FRS3: variants seen among roughly 807,000 people sequenced by gnomAD.
FRS3 encodes the protein fibroblast growth factor receptor substrate 3.
In FRS3, 17 loss-of-function variants were observed where a neutral mutation model predicts 41.9. The observed-to-expected ratio is 0.41, with a 90% CI of 0.28 to 0.61. The LOEUF (loss-of-function observed/expected upper bound fraction) is 0.61. Ranked by LOEUF, FRS3 falls within the 20% of genes least tolerant of loss-of-function variation. The probability of loss-of-function intolerance (pLI) is 0.36; values close to 1 mark genes in which losing one functional copy is unlikely to be tolerated. For missense variants in FRS3, 619 were observed against 672.1 expected, an observed-to-expected ratio of 0.92 and a Z score of 0.87; for synonymous variants, 287 against 274.5, an observed-to-expected ratio of 1.05 and a Z score of -0.45.
rs1394139134 is a variant in FRS3, at chr6:41,775,489, G to A, written c.183C>T (p.Cys61=). 1 of 1,613,988 alleles carries A rather than the reference G, an allele frequency of 6.2e-7. No individual in the cohort carries two copies. Among genetic ancestry groups the A allele is most frequent in the Non-Finnish European group, 8.5e-7 (1 of 1,180,034 alleles). ...TGGAGTCGTAGCCATAGCGCCGCAA[G>A]CAGAGATAAGGCCAGCGGACGGCCT... The part of the protein sequence containing the change: ...RREAVRWPYL[C]LRRYGYDSNL... The change falls in exon 4 of 7, where the codon TGC becomes TGT. Residue 61 remains cysteine (C), a synonymous_variant. Coordinates refer to ENST00000373018, the MANE Select transcript of FRS3 (RefSeq NM_006653.5).
intron 6 of FRS3, 28 bp downstream of exon 6, chr6:41,771,788 G>A: frequency 1.3e-6 from 2 of 1,547,054 alleles, no homozygotes. Flanking sequence ...AGACCAACAG[G>A]GCAGGGGCTG....
Position 41,770,238 on chromosome 6 carries a change from G to C in FRS3, c.*381C>G, listed in dbSNP as rs561025532. On this transcript the variant is annotated 3_prime_UTR_variant, in exon 7 of 7. Transcript: ENST00000373018. Reference sequence around the variant, plus strand: ...TAAATTACATTTAAAACAATAAATAGAAAAATAAACTGATAAATAAAATCA... The same window carrying C: ...TAAATTACATTTAAAACAATAAATACAAAAATAAACTGATAAATAAAATCA... 6.0e-6 allele frequency: 1 copy of C among 167,194 alleles called. No homozygotes were observed. The highest frequency in any genetic ancestry group is 1.6e-4 in the East Asian group (1 of 6,098). 10.4% of individuals were successfully genotyped at this position (167,194 alleles called of 1,614,324 possible). A position where few individuals can be genotyped will look rare whatever the true frequency, so the allele number is the denominator to read the frequency against.
intron 1 of FRS3, among the ~76,000 whole-genome samples, chr6:41,778,971 C>T (rs1772467194): frequency 6.6e-6 from 1 of 152,192 alleles, no homozygotes; most frequent in Admixed American, 6.5e-5. Flanking sequence ...CCCTTGCACC[C>T]TGCATCCTTG....
Position 41,771,476 on chromosome 6 carries a change from A to G in FRS3, c.622T>C (p.Cys208Arg). The G allele has an allele frequency of 6.3e-7, 1 of 1,591,398 alleles. No individual in the cohort carries two copies. The highest frequency in any genetic ancestry group is 1.3e-5 in the African/African-American group (1 of 74,342). Residue 208 changes from cysteine (C) to arginine (R), a missense_variant, in exon 7 of 7, where the codon TGC becomes CGC. Around this residue, in one of 3 missense-constraint regions of FRS3, gnomAD observed 487 missense variants for 478.3 expected, o/e 1.02. Transcript: ENST00000373018. ...TGACCCTCAGGCAGGGGCTGCAGGC[A>G]GTGGCGGCCCCTGCGGTGGTCATCT... ...SEDDHRRGRH[C>R]LQPLPEGQAP...
At chr6:41,776,179 G>C (rs9471649) in intron 3 of FRS3, among the ~76,000 whole-genome samples, 5 of 152,218 alleles carry the variant, frequency 3.3e-5, no homozygotes, top group African/African-American at 1.2e-4. Context: ...AGCACAGGTC[G>C]ACTTGGGTCT....
chr6:41,772,763 T>TGTGTGTGTGTGC (rs1233146656), intron 5 of FRS3, 35 bp downstream of exon 5: 1 of 1,551,806 alleles, frequency 6.4e-7, no homozygotes, highest in South Asian at 1.1e-5. Flanking sequence ...TGTGTGTGTG[T>TGTGTGTGTGTGC]GTGTGTGTGT....
intron 5 of FRS3, 45 bp downstream of exon 5, chr6:41,772,753 T>TGTGTGTGTGG: frequency 7.0e-7 from 1 of 1,427,534 alleles, no homozygotes; most frequent in Non-Finnish European, 9.6e-7. Context: ...GGCGTGTGTG[T>TGTGTGTGTGG]GTGTGTGTGT....
chr6:41,773,292 C>T (rs1389167394), intron 4 of FRS3, among the ~76,000 whole-genome samples: 6 of 151,888 alleles, frequency 4.0e-5, no homozygotes, highest in Admixed American at 6.6e-5. Context: ...TTAGTTGAGA[C>T]GGGGTTTCAC....
intron 4 of FRS3, among the ~76,000 whole-genome samples, chr6:41,774,353 C>T (rs1193527838): frequency 1.3e-5 from 2 of 152,150 alleles, no homozygotes; most frequent in South Asian, 2.1e-4. Flanking sequence ...GCCCTCAGAT[C>T]GCTGATGACA....
chr6:41,772,037 G>T, intron 5 of FRS3, 73 bp from the exon 6 acceptor site: 1 of 1,286,098 alleles, frequency 7.8e-7, no homozygotes. Flanking sequence ...CTGTGTGTGT[G>T]GCATCCTGGG....
At position 41,770,532 on chromosome 6, in the gene FRS3, C is replaced by T. The variant is rs1772257618; in HGVS notation, c.*87G>A. 5.7e-6 allele frequency: 8 copies of T among 1,392,434 alleles called. No individual in the cohort carries two copies. Among genetic ancestry groups the T allele is most frequent in the African/African-American group, 2.8e-5 (2 of 70,632 alleles). 86.3% of individuals were successfully genotyped at this position (1,392,434 alleles called of 1,614,324 possible). A position where few individuals can be genotyped will look rare whatever the true frequency, so the allele number is the denominator to read the frequency against. On this transcript the variant is annotated 3_prime_UTR_variant, in exon 7 of 7. Coordinates refer to ENST00000373018, the MANE Select transcript of FRS3 (RefSeq NM_006653.5). The stretch of plus-strand genomic sequence containing the variant: ...ATGCCTTCTGCAAAGCAACCCTGAA[C>T]CCTGGGGAGGGTGGGTTCAGAGGAC...
At chr6:41,776,729 T>C in intron 3 of FRS3, 193 bp downstream of exon 3, 1 of 567,122 alleles carries the variant, frequency 1.8e-6, no homozygotes, top group South Asian at 2.5e-5. Flanking sequence ...TCAAGAGCCA[T>C]GAAAACAGCA....
rs1772307533 is a variant in FRS3, at chr6:41,771,936, G to A, written c.444C>T (p.Ser148=). The A allele has an allele frequency of 1.9e-6, 3 of 1,563,314 alleles. No individual in the cohort carries two copies. The South Asian group carries it at 3.5e-5, about 18-fold the overall frequency. Residue 148 remains serine (S), a synonymous_variant, in exon 6 of 7, where the codon TCC becomes TCT. Coordinates refer to ENST00000373018, the MANE Select transcript of FRS3 (RefSeq NM_006653.5). The part of the protein sequence containing the change: ...NALGYTVSSF[S]NGCPGEGPRF... The stretch of plus-strand genomic sequence containing the variant: ...GTGGGCCCTCTCCAGGGCAGCCATT[G>A]GAAAAGCTGGAGACAGTGTAGCCTA...
At chr6:41,773,042 T>C (rs1772337678) in intron 4 of FRS3, 83 bp from the exon 5 acceptor site, 1 of 1,103,122 alleles carries the variant, frequency 9.1e-7, no homozygotes, top group Admixed American at 1.8e-5. Context: ...GCAGGAAATG[T>C]CCCTCAACTC....
At chr6:41,776,636 G>T (rs527889632) in intron 3 of FRS3, 9 of 365,346 alleles carry the variant, frequency 2.5e-5, no homozygotes, top group East Asian at 8.8e-5. Context: ...AAAAAAAAAG[G>T]GGGGGGGATA....
rs200505680 is a variant in FRS3 at position 41,770,609 on chromosome 6, C to T, written c.*10G>A. The T allele has an allele frequency of 2.3e-4, 376 of 1,613,584 alleles. 2 individuals carry two copies. The highest frequency in any genetic ancestry group is 1.0e-4 in the Admixed American group (6 of 59,988). On this transcript the variant is annotated 3_prime_UTR_variant, in exon 7 of 7. Transcript: ENST00000373018. ...TGGTGGGGCAGAGGGTGGTGAGGAC[C>T]GGGAAGTCCCTACAGAGGCAGGTCG...
rs779943350 is a variant in FRS3, at chr6:41,776,908, AG to A, written c.66+13del. 1.2e-6 allele frequency: 2 copies of A among 1,608,630 alleles called. No individual in the cohort carries two copies. The highest frequency in any genetic ancestry group is 1.7e-5 in the Admixed American group (1 of 60,012). ...CCATGTTGGGAACACAGGAGAGGAG[AG>A]GGCTCTGGGTACCTTGAACTTGGTG... On this transcript the variant is annotated intron_variant, in intron 3 of 6. Transcript: ENST00000373018.
chr6:41,771,943 C>T lies in FRS3; in HGVS notation c.437G>A (p.Ser146Asn). ...CTCTCCAGGGCAGCCATTGGAAAAG[C>T]TGGAGACAGTGTAGCCTAGAGCTGA... Reference protein sequence around the residue: ...PPNALGYTVSSFSNGCPGEGP... With the variant: ...PPNALGYTVSNFSNGCPGEGP... The change falls in exon 6 of 7, where the codon AGC (serine) becomes AAC (asparagine). Residue 146 changes from serine (S) to asparagine (N), a missense_variant. Around this residue, in one of 3 missense-constraint regions of FRS3, gnomAD observed 487 missense variants for 478.3 expected, o/e 1.02. Transcript: ENST00000373018. The T allele has an allele frequency of 1.3e-6, 2 of 1,563,726 alleles. No homozygotes were observed. The highest frequency in any genetic ancestry group is 1.7e-6 in the Non-Finnish European group (2 of 1,153,830).
intron 2 of FRS3, chr6:41,777,778 A>G (rs1772440892): frequency 1.3e-5 from 2 of 152,164 alleles, no homozygotes; most frequent in Non-Finnish European, 2.9e-5. Context: ...ATGTCACAAT[A>G]GTCAGGACTG....
Sources: gnomAD v4.1 joint callset for allele counts (sites outside exome capture counted in the v4.1 genomes callset) on GRCh38, gnomAD v4.1.1 for gene constraint, gnomAD v4.1.1 regional missense constraint, MANE v1.5 for transcripts, NCBI Gene and HGNC (gene_info 2026-07-23, HGNC 2026-07-21) for gene names.